GPC2: variants seen among roughly 807,000 people sequenced by gnomAD.
GPC2 encodes the protein glypican-2.
In GPC2, 42 loss-of-function variants were observed where a neutral mutation model predicts 57.3. The observed-to-expected ratio is 0.73, with a 90% CI of 0.57 to 0.95. GPC2 has a LOEUF of 0.95. Ranked by LOEUF, GPC2 falls within the 40% of genes least tolerant of loss-of-function variation. The probability of loss-of-function intolerance (pLI) is 0.00; values close to 1 mark genes in which losing one functional copy is unlikely to be tolerated. For missense variants in GPC2, 745 were observed against 793.6 expected (o/e 0.94, Z 0.74); for synonymous variants, 364 against 343.4 (o/e 1.06, Z -0.66).
intron 5 of GPC2, among the ~76,000 whole-genome samples, chr7:100,172,685 GTATA>G (rs753976401): frequency 9.5e-6 from 1 of 105,028 alleles, no homozygotes; most frequent in Non-Finnish European, 2.3e-5. Flanking sequence ...GTGTGTGTGT[GTATA>G]TATATATACG....
In GPC2 at chr7:100,172,000, G is replaced by A; in HGVS notation, c.1024-75C>T. 6.3e-7 allele frequency: 1 copy of A among 1,576,034 alleles called. No individual in the cohort carries two copies. The highest frequency in any genetic ancestry group is 8.6e-7 in the Non-Finnish European group (1 of 1,159,286). ...ACTGCGTCCCCACTCTGACCCCAGA[G>A]TCTCTTCCCAGATCCCCTATACTGC... On this transcript the variant is annotated intron_variant, in intron 6 of 9. Transcript: ENST00000292377. The surrounding 1 kb of genome is among the most constrained non-coding windows in gnomAD (Gnocchi z 4.8).
rs1799239649 is a variant in GPC2 at position 100,174,741 on chromosome 7, G to A, written c.673C>T (p.Arg225Ter). The A allele has an allele frequency of 3.1e-6, 5 of 1,613,944 alleles. No homozygotes were observed. Among genetic ancestry groups the A allele is most frequent in the East Asian group, 4.5e-5 (2 of 44,898 alleles). ...GTCTCCAGGCCCTGCACAAAGGCTC[G>A]GGCAGCCACCAGGGTCCGGGTTATC... is the stretch of plus-strand genomic sequence containing the variant. ...LQITRTLVAA[R>*]AFVQGLETGR... Residue 225 changes from arginine to a stop codon, truncating the protein, a stop_gained, in exon 4 of 10, where the codon CGA becomes TGA. Coordinates refer to ENST00000292377, the MANE Select transcript of GPC2 (RefSeq NM_152742.3). LOFTEE classifies it high-confidence loss of function.
rs1799199798 is a variant in GPC2, at chr7:100,172,673, G to GTGTGTGTGTGTGTATATATATA, written c.893-478_893-457dup. The stretch of plus-strand genomic sequence containing the variant: ...TATGTGTGTGTGTATATATATATAT[G>GTGTGTGTGTGTGTATATATATA]TGTGTGTGTGTGTATATATATATAC... On this transcript the variant is annotated intron_variant, in intron 5 of 9. Coordinates refer to ENST00000292377, the MANE Select transcript of GPC2 (RefSeq NM_152742.3). Among the ~76,000 whole-genome samples, 10 of 117,234 alleles carry GTGTGTGTGTGTGTATATATATA rather than the reference G, an allele frequency of 8.5e-5. No homozygotes were observed. In the Admixed American group the frequency reaches 8.7e-4, roughly 10 times the overall value. The allele number at this position is 117,234 out of a possible 152,430, so 76.9% of individuals were successfully genotyped here.
At chr7:100,170,834 CAA>C (rs1487205834) in intron 9 of GPC2, among the ~76,000 whole-genome samples, 1 of 151,974 alleles carries the variant, frequency 6.6e-6, no homozygotes, top group Non-Finnish European at 1.5e-5. Flanking sequence ...GGAAGAGTGA[CAA>C]AGAGAGACAG....
intron 5 of GPC2, 159 bp downstream of exon 5, chr7:100,173,672 TTCTC>T (rs1326341245): frequency 9.1e-6 from 3 of 330,280 alleles, no homozygotes; most frequent in African/African-American, 2.8e-5. Flanking sequence ...CTCTCTTTCT[TTCTC>T]TCTCTCTCTT....
intron 5 of GPC2, among the ~76,000 whole-genome samples, chr7:100,172,741 A>G (rs886177375): frequency 4.8e-5 from 7 of 146,704 alleles, no homozygotes; most frequent in African/African-American, 1.5e-4. Context: ...ATGTGTATAT[A>G]TATGTGTGTA....
rs1799157669 is a variant in GPC2, at chr7:100,170,390, G to A, written c.1580C>T (p.Pro527Leu). 1 of 1,611,828 alleles carries A rather than the reference G, an allele frequency of 6.2e-7. No individual in the cohort carries two copies. Among genetic ancestry groups the A allele is most frequent in the South Asian group, 1.1e-5 (1 of 90,642 alleles). Residue 527 changes from proline (P) to leucine (L), a missense_variant, in exon 10 of 10, where the codon CCA (proline) becomes CTA (leucine). This residue lies in a region of GPC2 where 607 missense variants were observed against 603.9 expected (regional missense o/e 1.01). Coordinates refer to ENST00000292377, the MANE Select transcript of GPC2 (RefSeq NM_152742.3). ...VAPPARPPRP[P>L]YPPRRDGSGG... The stretch of plus-strand genomic sequence containing the variant: ...AGAACCATCCCTTCTAGGAGGGTAT[G>A]GAGGCCGAGGAGGCCGGGCTGGGGG...
chr7:100,173,717 C>T, intron 5 of GPC2, 118 bp downstream of exon 5: 2 of 613,628 alleles, frequency 3.3e-6, no homozygotes, highest in Non-Finnish European at 5.3e-6. Flanking sequence ...AGCTATGTTG[C>T]CCCAGCTGGG....
intron 5 of GPC2, 100 bp from the exon 6 acceptor site, chr7:100,172,317 T>A (rs1799192934): frequency 2.3e-6 from 3 of 1,327,228 alleles, no homozygotes; most frequent in South Asian, 1.3e-5. Context: ...AGCAGCAAAG[T>A]GTTTGGGGGA....
intron 4 of GPC2, 106 bp downstream of exon 4, chr7:100,174,579 G>C (rs1244372177): frequency 4.9e-6 from 4 of 824,590 alleles, no homozygotes; most frequent in Non-Finnish European, 6.2e-6. Flanking sequence ...GGCAGACAGA[G>C]CCCAAGGCCT....
In GPC2 at chr7:100,170,024, T is replaced by G; in HGVS notation, c.*206A>C. The G allele has an allele frequency of 5.4e-5, 21 of 389,364 alleles. No individual in the cohort carries two copies. Among genetic ancestry groups the G allele is most frequent in the Non-Finnish European group, 7.7e-5 (17 of 219,700 alleles). The allele number at this position is 389,364 out of a possible 1,614,324, so 24.1% of individuals were successfully genotyped here. The stretch of plus-strand genomic sequence containing the variant: ...CTAAATAAATACCCCCAGGCCCCCC[T>G]CCCATTACCAAATGAAAAAATAAAT... On this transcript the variant is annotated 3_prime_UTR_variant, in exon 10 of 10. Transcript: ENST00000292377.
rs1799226730 is a variant in GPC2 at position 100,173,906 on chromosome 7, C to T, written c.821G>A (p.Gly274Asp). 3 of 1,606,008 alleles carry T rather than the reference C, an allele frequency of 1.9e-6. No individual in the cohort carries two copies. The highest frequency in any genetic ancestry group is 2.6e-6 in the Non-Finnish European group (3 of 1,176,424). ...RGVPSLMPCQ[G>D]FCLNVVRGCL... ...GCCACGAACCACGTTGAGGCAGAAG[C>T]CCTGGCAGGGCATAAGTGAGGGGAC... The change falls in exon 5 of 10, where the codon GGC (glycine) becomes GAC (aspartate). Residue 274 changes from glycine to aspartate, a missense_variant. Coordinates refer to ENST00000292377, the MANE Select transcript of GPC2 (RefSeq NM_152742.3).
intron 2 of GPC2, 91 bp downstream of exon 2, chr7:100,176,116 G>T: frequency 7.8e-7 from 1 of 1,284,554 alleles, no homozygotes; most frequent in Non-Finnish European, 1.1e-6. Flanking sequence ...AGTCTTCACA[G>T]ATGGAGTAAG....
In GPC2 at chr7:100,170,328, G is replaced by C; in HGVS notation, c.1642C>G (p.Gln548Glu). The C allele has an allele frequency of 4.3e-6, 7 of 1,612,780 alleles. No individual in the cohort carries two copies. The highest frequency in any genetic ancestry group is 5.9e-6 in the Non-Finnish European group (7 of 1,179,486). ...GCCCCCCCACTCCTGCTCCGGCCCT[G>C]GTTGTAGCGGGCACTGCCACCTCCT... ...KGGGGSARYN[Q>E]GRSRSGGASI... The change falls in exon 10 of 10, where the codon CAG (glutamine) becomes GAG (glutamate). Residue 548 changes from glutamine (Q) to glutamate (E), a missense_variant. Gln to Glu is a conservative substitution (Grantham distance 29). This residue lies in a region of GPC2 where 607 missense variants were observed against 603.9 expected (regional missense o/e 1.01). Transcript: ENST00000292377.
chr7:100,177,380 G>A lies in GPC2; in HGVS notation c.-181C>T. 2 of 511,472 alleles carry A rather than the reference G, an allele frequency of 3.9e-6. No homozygotes were observed. Among genetic ancestry groups the A allele is most frequent in the Admixed American group, 8.4e-5 (2 of 23,722 alleles). The allele number at this position is 511,472 out of a possible 1,614,324, so 31.7% of individuals were successfully genotyped here. Reference sequence around the variant, plus strand: ...GGCGGCATCTGCCGAGACAATGGGAGCGGGGAGCCGGACAGGGGGCGGGGC... The same window carrying A: ...GGCGGCATCTGCCGAGACAATGGGAACGGGGAGCCGGACAGGGGGCGGGGC... On this transcript the variant is annotated 5_prime_UTR_variant, in exon 1 of 10. Transcript: ENST00000292377.
rs1360224607 is a variant in GPC2 at position 100,170,173 on chromosome 7, G to C, written c.*57C>G. 2 of 1,478,022 alleles carry C rather than the reference G, an allele frequency of 1.4e-6. No individual in the cohort carries two copies. 91.6% of individuals were successfully genotyped at this position (1,478,022 alleles called of 1,614,324 possible). A position where few individuals can be genotyped will look rare whatever the true frequency, so the allele number is the denominator to read the frequency against. On this transcript the variant is annotated 3_prime_UTR_variant, in exon 10 of 10. Coordinates refer to ENST00000292377, the MANE Select transcript of GPC2 (RefSeq NM_152742.3). ...TCGACTCCTCCCCAGGCCCAGCTGA[G>C]GGGGGAGGAGGGGAAAGGGCCATGA...
rs1799177625 is a variant in GPC2, at chr7:100,171,549, C to G, written c.1300G>C (p.Gly434Arg). 6.9e-7 allele frequency: 1 copy of G among 1,457,994 alleles called. No homozygotes were observed. The highest frequency in any genetic ancestry group is 9.0e-7 in the Non-Finnish European group (1 of 1,112,866). The allele number at this position is 1,457,994 out of a possible 1,614,324, so 90.3% of individuals were successfully genotyped here. A position where few individuals can be genotyped will look rare whatever the true frequency, so the allele number is the denominator to read the frequency against. ...GCCCCCGAGGCTCACCGGCCCCGCCCGGCTCCGGTCCAGCAGGGCGCCGCC... is the reference window on the plus strand; with the variant it reads ...GCCCCCGAGGCTCACCGGCCCCGCCGGGCTCCGGTCCAGCAGGGCGCCGCC... ...LEAAPCWTGA[G>R]RGRYLPPVVG... The change falls in exon 8 of 10, where the codon GGG (glycine) becomes CGG (arginine). Residue 434 changes from glycine (G) to arginine (R), a missense_variant. Physicochemically the swap from Gly to Arg is moderately radical, Grantham distance 125. This residue lies in a region of GPC2 where 607 missense variants were observed against 603.9 expected (regional missense o/e 1.01). Transcript: ENST00000292377. This position sits in a 1 kb window ranked among gnomAD's most constrained non-coding sequence, Gnocchi z 4.8.
intron 5 of GPC2, among the ~76,000 whole-genome samples, chr7:100,172,645 A>ATCTGTGTGTGTG (rs1799197855): frequency 6.9e-6 from 1 of 144,470 alleles, no homozygotes; most frequent in East Asian, 2.1e-4. Flanking sequence ...TTGTATATAT[A>ATCTGTGTGTGTG]TATATGTGTG....
In GPC2 at chr7:100,171,233, C is replaced by T. The variant is rs1016891275; in HGVS notation, c.1486+28G>A. 168 of 1,510,060 alleles carry T rather than the reference C, an allele frequency of 1.1e-4. No individual in the cohort carries two copies. The highest frequency in any genetic ancestry group is 1.4e-4 in the Non-Finnish European group (161 of 1,128,276). The allele number at this position is 1,510,060 out of a possible 1,614,324, so 93.5% of individuals were successfully genotyped here. On this transcript the variant is annotated intron_variant, in intron 9 of 9. Coordinates refer to ENST00000292377, the MANE Select transcript of GPC2 (RefSeq NM_152742.3). This position sits in a 1 kb window ranked among gnomAD's most constrained non-coding sequence, Gnocchi z 4.8. ...AGAGGCTTCAGGGCAGTGGGCGGGG[C>T]TCAGGCTCAGGGATGCAGGGGTCTC...
Sources: gnomAD v4.1 joint callset for allele counts (sites outside exome capture counted in the v4.1 genomes callset) on GRCh38, gnomAD v4.1.1 for gene constraint, gnomAD v4.1.1 regional missense constraint, Gnocchi (gnomAD v3.1) non-coding constraint, MANE v1.5 for transcripts, NCBI Gene and HGNC (gene_info 2026-07-23, HGNC 2026-07-21) for gene names.